WDR76: variants seen among roughly 807,000 people sequenced by gnomAD.
WDR76 encodes WD repeat domain 76.
WDR76 carries 52 observed loss-of-function variants against 70.2 expected under a neutral mutation model. The ratio of observed to expected loss-of-function variants is 0.74; its 90% CI spans 0.59 to 0.93. The LOEUF is 0.93. WDR76 is among the 40% of genes least tolerant of loss of function. The pLI is 0.00. For synonymous variants in WDR76, 292 were observed against 271.1 expected, an observed-to-expected ratio of 1.08 and a Z score of -0.76; for missense variants, 756 against 760.2, an observed-to-expected ratio of 0.99 and a Z score of 0.07.
rs542277944 is a variant in WDR76, at chr15:43,863,110, A to AT, written c.1616+1732dup. ...ACCACTATGCCCCACTAATTTTTGT[A>AT]TTTTTTTTAGTAGAGACAGGGTTTC... On this transcript the variant is annotated intron_variant, in intron 12 of 12. Transcript: ENST00000263795. 2.1e-3 allele frequency among the ~76,000 whole-genome samples: 316 copies of AT among 151,448 alleles called. 2 individuals are homozygous for AT. The highest frequency in any genetic ancestry group is 8.3e-3 in the South Asian group (40 of 4,794).
chr15:43,858,077 CG>C (rs905318287), intron 10 of WDR76, among the ~76,000 whole-genome samples: 16 of 146,912 alleles, frequency 1.1e-4, no homozygotes, highest in African/African-American at 4.0e-4. Flanking sequence ...GGATTATAGG[CG>C]TGCACTACCA....
intron 9 of WDR76, among the ~76,000 whole-genome samples, 188 bp from the exon 10 acceptor site, chr15:43,856,758 G>A (rs2087932779): frequency 6.6e-6 from 1 of 152,038 alleles, no homozygotes; most frequent in South Asian, 2.1e-4. Flanking sequence ...GATAAATATT[G>A]AAGGTAATGG....
intron 9 of WDR76, 83 bp downstream of exon 9, chr15:43,851,328 T>A (rs972095791): frequency 3.9e-6 from 6 of 1,547,014 alleles, no homozygotes; most frequent in Non-Finnish European, 4.4e-6. Flanking sequence ...ATTATACCAA[T>A]TGGGAGAAGT....
At chr15:43,831,732 G>A (rs535607137) in intron 2 of WDR76, among the ~76,000 whole-genome samples, 3 of 151,750 alleles carry the variant, frequency 2.0e-5, no homozygotes, top group East Asian at 3.9e-4. Context: ...GAGCCACCGC[G>A]CATGCCATGT....
intron 9 of WDR76, among the ~76,000 whole-genome samples, chr15:43,854,652 G>C (rs1329579362): frequency 6.6e-6 from 1 of 151,728 alleles, no homozygotes; most frequent in Non-Finnish European, 1.5e-5. Context: ...TGTAACTATC[G>C]TAATCAAGAT....
chr15:43,828,682 A>G (rs1353583212), intron 2 of WDR76, among the ~76,000 whole-genome samples: 1 of 152,076 alleles, frequency 6.6e-6, no homozygotes, highest in Non-Finnish European at 1.5e-5. Flanking sequence ...TCACCTTTAC[A>G]TGTTTATGTA....
At chr15:43,844,950 A>AAG (rs1171618410) in intron 8 of WDR76, among the ~76,000 whole-genome samples, 1 of 141,326 alleles carries the variant, frequency 7.1e-6, no homozygotes, top group African/African-American at 2.5e-5. Flanking sequence ...AAAAAAAAAA[A>AAG]AAAGATCAAA....
intron 2 of WDR76, among the ~76,000 whole-genome samples, 172 bp downstream of exon 2, chr15:43,828,538 C>T (rs2087547068): frequency 6.6e-6 from 1 of 152,070 alleles, no homozygotes; most frequent in African/African-American, 2.4e-5. Context: ...CAAATAACTT[C>T]CTTGGGTTAT....
chr15:43,858,997 G>T (rs1299579947), intron 11 of WDR76, among the ~76,000 whole-genome samples, 174 bp downstream of exon 11: 1 of 152,160 alleles, frequency 6.6e-6, no homozygotes, highest in Admixed American at 6.5e-5. Flanking sequence ...GCTTTTCAGC[G>T]GTTTTTGGGT....
At chr15:43,862,843 C>T (rs1239055186) in intron 12 of WDR76, among the ~76,000 whole-genome samples, 1 of 152,126 alleles carries the variant, frequency 6.6e-6, no homozygotes. Context: ...GAGGTTTCTC[C>T]ACATTGGTTA....
chr15:43,846,470 A>C (rs2087789857), intron 8 of WDR76, among the ~76,000 whole-genome samples: 1 of 148,656 alleles, frequency 6.7e-6, no homozygotes, highest in Non-Finnish European at 1.5e-5. Flanking sequence ...CTTTTTGTAG[A>C]GATGGGTCTC....
intron 1 of WDR76, 141 bp from the exon 2 acceptor site, chr15:43,827,824 C>T (rs2087535842): frequency 2.2e-6 from 2 of 890,752 alleles, no homozygotes; most frequent in Non-Finnish European, 3.3e-6. Flanking sequence ...GGATTACAGG[C>T]GTGAGCCACT....
At chr15:43,832,536 T>C (rs184466281) in intron 2 of WDR76, among the ~76,000 whole-genome samples, 6 of 151,834 alleles carry the variant, frequency 4.0e-5, no homozygotes, top group African/African-American at 1.4e-4. Flanking sequence ...ACCTCTGCCT[T>C]CTAGGTTCAA....
chr15:43,867,024 T>G lies in WDR76; in HGVS notation c.*632T>G, dbSNP rs2088082203. The stretch of plus-strand genomic sequence containing the variant: ...AGTTTTTGTGATCTAATGATACAGT[T>G]TTGATTCTATAGTAATTTGTGGCTT... On this transcript the variant is annotated 3_prime_UTR_variant, in exon 13 of 13. Transcript: ENST00000263795. 6.6e-6 allele frequency: 1 copy of G among 152,270 alleles called. No homozygotes were observed. The highest frequency in any genetic ancestry group is 2.1e-4 in the South Asian group (1 of 4,832). 9.4% of individuals were successfully genotyped at this position (152,270 alleles called of 1,614,324 possible). A position where few individuals can be genotyped will look rare whatever the true frequency, so the allele number is the denominator to read the frequency against.
At chr15:43,828,483 T>A in intron 2 of WDR76, 117 bp downstream of exon 2, 1 of 896,062 alleles carries the variant, frequency 1.1e-6, no homozygotes, top group Non-Finnish European at 1.6e-6. Context: ...TCATCTAATG[T>A]AAGTATAAAT....
At position 43,828,082 on chromosome 15, in the gene WDR76, C is replaced by T. The variant is rs567750055; in HGVS notation, c.178C>T (p.Gln60Ter). ...YLAPFSLSNY[Q>*]LDQLMCPKSL... Reference sequence around the variant, plus strand: ...TGCCCCCTTTTCACTCAGTAATTACCAGCTAGACCAGCTTATGTGCCCCAA... The same window carrying T: ...TGCCCCCTTTTCACTCAGTAATTACTAGCTAGACCAGCTTATGTGCCCCAA... Residue 60 changes from glutamine to a stop codon, truncating the protein, a stop_gained, in exon 2 of 13, where the codon CAG (glutamine) becomes TAG (stop). Coordinates refer to ENST00000263795, the MANE Select transcript of WDR76 (RefSeq NM_024908.4). LOFTEE classifies it high-confidence loss of function. 6.2e-7 allele frequency: 1 copy of T among 1,614,122 alleles called. No individual in the cohort carries two copies. Among genetic ancestry groups the T allele is most frequent in the East Asian group, 2.2e-5 (1 of 44,876 alleles).
chr15:43,852,717 T>C (rs2087877249), intron 9 of WDR76, among the ~76,000 whole-genome samples: 1 of 152,170 alleles, frequency 6.6e-6, no homozygotes. Flanking sequence ...ATACAATTTG[T>C]GGTCTTTTGT....
In WDR76 at chr15:43,863,558, T is replaced by TA. The variant is rs1567194158; in HGVS notation, c.1616+2172_1616+2173insA. ...AGCAGTTTGTTAACTACTCTCTTTT[T>TA]TAAAAAAAAAAAAAAAAAAGAAACA... On this transcript the variant is annotated intron_variant, in intron 12 of 12. Coordinates refer to ENST00000263795, the MANE Select transcript of WDR76 (RefSeq NM_024908.4). Among the ~76,000 whole-genome samples, 6 of 149,522 alleles carry TA rather than the reference T, an allele frequency of 4.0e-5. No individual in the cohort carries two copies. The South Asian group carries it at 6.3e-4, about 16-fold the overall frequency.
intron 4 of WDR76, 57 bp from the exon 5 acceptor site, chr15:43,839,548 A>T: frequency 2.0e-6 from 3 of 1,537,754 alleles, no homozygotes; most frequent in Non-Finnish European, 1.8e-6. Context: ...CTTTAGTATT[A>T]GTAAATACAT....
Sources: gnomAD v4.1 joint callset for allele counts (sites outside exome capture counted in the v4.1 genomes callset) on GRCh38, gnomAD v4.1.1 for gene constraint, MANE v1.5 for transcripts, NCBI Gene and HGNC (gene_info 2026-07-23, HGNC 2026-07-21) for gene names.